The following DHTKD1 variants were observed in gnomAD, a reference collection of about 807,000 sequenced individuals.
DHTKD1 encodes the protein dehydrogenase E1 and transketolase domain containing 1, also known as 2-oxoadipate dehydrogenase complex component E1.
Under a neutral mutation model 101.8 loss-of-function variants are expected in DHTKD1, and 78 were observed. That is an observed-to-expected ratio of 0.77 (90% CI 0.64 to 0.93). The LOEUF (loss-of-function observed/expected upper bound fraction) is 0.93, where lower values mean the gene tolerates loss of function less well. Among genes scored for constraint, DHTKD1 ranks in the 40% least tolerant of loss-of-function variants. The probability of loss-of-function intolerance (pLI) is 0.00; values close to 1 mark genes in which losing one functional copy is unlikely to be tolerated. For missense variants in DHTKD1, 1,223 were observed against 1,161.7 expected (o/e 1.05, Z -0.77); for synonymous variants, 462 against 450.3 (o/e 1.03, Z -0.33).
At chr10:12,100,057 A>C in intron 8 of DHTKD1, 121 bp from the exon 9 acceptor site, 3 of 553,928 alleles carry the variant, frequency 5.4e-6, no homozygotes, top group Middle Eastern at 3.0e-4. Context: ...GGGCCTCCCA[A>C]AGTGCTGGGA....
rs369392688 is a variant in DHTKD1 at position 12,089,406 on chromosome 10, G to A, written c.987+151G>A. On this transcript the variant is annotated intron_variant, in intron 5 of 16. Transcript: ENST00000263035. Reference sequence around the variant, plus strand: ...TCTGGGATTGTTTTAAAAACTAACAGGAGATTCATGAGGTTTAGTCTTCAG... The same window carrying A: ...TCTGGGATTGTTTTAAAAACTAACAAGAGATTCATGAGGTTTAGTCTTCAG... 9.7e-5 allele frequency: 80 copies of A among 823,972 alleles called. 1 individual carries two copies. The East Asian group carries it at 9.9e-4, about 10-fold the overall frequency. 51.0% of individuals were successfully genotyped at this position (823,972 alleles called of 1,614,324 possible).
chr10:12,082,168 T>C (rs1832830039), intron 2 of DHTKD1, among the ~76,000 whole-genome samples: 1 of 152,120 alleles, frequency 6.6e-6, no homozygotes, highest in Non-Finnish European at 1.5e-5. Flanking sequence ...TAAAGTGCCA[T>C]ATGCTTAGCA....
At chr10:12,080,009 G>A (rs1380744262) in intron 1 of DHTKD1, among the ~76,000 whole-genome samples, 1 of 152,144 alleles carries the variant, frequency 6.6e-6, no homozygotes, top group Non-Finnish European at 1.5e-5. Flanking sequence ...GGCTGGGTGA[G>A]GTGGCTCACG....
Position 12,120,223 on chromosome 10 carries a change from T to C in DHTKD1, c.2614T>C (p.Trp872Arg), listed in dbSNP as rs1021701691. 2 of 1,614,048 alleles carry C rather than the reference T, an allele frequency of 1.2e-6. No individual in the cohort carries two copies. Among genetic ancestry groups the C allele is most frequent in the East Asian group, 2.2e-5 (1 of 44,868 alleles). ...SQEEPQNMGP[W>R]SFVSPRFEKQ... Reference sequence around the variant, plus strand: ...GGAGGAACCTCAGAACATGGGTCCGTGGTCGTTTGTTTCTCCAAGGTTTGA... The same window carrying C: ...GGAGGAACCTCAGAACATGGGTCCGCGGTCGTTTGTTTCTCCAAGGTTTGA... The change falls in exon 16 of 17, where the codon TGG becomes CGG. Residue 872 changes from tryptophan (W) to arginine (R), a missense_variant. Transcript: ENST00000263035.
rs1208222291 is a variant in DHTKD1, at chr10:12,110,862, A to G, written c.2155-2038A>G. Among the ~76,000 whole-genome samples the G allele has an allele frequency of 6.6e-6, 1 of 151,818 alleles. No homozygotes were observed. Among genetic ancestry groups the G allele is most frequent in the Non-Finnish European group, 1.5e-5 (1 of 67,972 alleles). Reference sequence around the variant, plus strand: ...AGACCAGCCTGGGCAACATGGTGAGACCCCATTTCTGCTAAAAATAAAACT... The same window carrying G: ...AGACCAGCCTGGGCAACATGGTGAGGCCCCATTTCTGCTAAAAATAAAACT... On this transcript the variant is annotated intron_variant, in intron 12 of 16. Coordinates refer to ENST00000263035, the MANE Select transcript of DHTKD1 (RefSeq NM_018706.7). This position sits in a 1 kb window ranked among gnomAD's most constrained non-coding sequence, Gnocchi z 4.9.
chr10:12,117,603 C>A, intron 13 of DHTKD1, 70 bp from the exon 14 acceptor site: 1 of 895,134 alleles, frequency 1.1e-6, no homozygotes, highest in Non-Finnish European at 1.9e-6. Flanking sequence ...TGTTTGATAG[C>A]GGCCCTTGTA....
chr10:12,085,170 G>A (rs999609635), intron 3 of DHTKD1, among the ~76,000 whole-genome samples: 5 of 151,948 alleles, frequency 3.3e-5, no homozygotes, highest in African/African-American at 7.3e-5. Context: ...ATTAGCCAGG[G>A]GTGATGGTGC....
chr10:12,118,773 C>T lies in DHTKD1; in HGVS notation c.2427C>T (p.Ser809=), dbSNP rs144376657. The T allele has an allele frequency of 6.1e-5, 97 of 1,591,186 alleles. 1 individual carries two copies. The highest frequency in any genetic ancestry group is 5.6e-4 in the Admixed American group (31 of 55,248). Residue 809 remains serine (S), a synonymous_variant, in exon 15 of 17, where the codon TCC becomes TCT. Coordinates refer to ENST00000263035, the MANE Select transcript of DHTKD1 (RefSeq NM_018706.7). ...GGGTTAAGACCCTCGTGTTCTGCTC[C>T]GGCAAACATTTCTACTCCCTGGTGA... The part of the protein sequence containing the change: ...PKKVKTLVFC[S]GKHFYSLVKQ...
In DHTKD1 at chr10:12,089,154, G is replaced by A. The variant is rs763791918; in HGVS notation, c.886G>A (p.Val296Met). Residue 296 changes from valine to methionine, a missense_variant, in exon 5 of 17, where the codon GTG (valine) becomes ATG (methionine). By Grantham distance (21) the Val-to-Met change is conservative. Coordinates refer to ENST00000263035, the MANE Select transcript of DHTKD1 (RefSeq NM_018706.7). ...CTCGCACCTGGAGGCCGTCAACCCCGTGGCCGTGGGCAAAACTCGCGGCAG... is the reference window on the plus strand; with the variant it reads ...CTCGCACCTGGAGGCCGTCAACCCCATGGCCGTGGGCAAAACTCGCGGCAG... ...NPSHLEAVNP[V>M]AVGKTRGRQQ... 1.1e-5 allele frequency: 17 copies of A among 1,614,128 alleles called. No homozygotes were observed. Among genetic ancestry groups the A allele is most frequent in the Non-Finnish European group, 1.2e-5 (14 of 1,180,022 alleles).
rs561458961 is a variant in DHTKD1, at chr10:12,083,141, G to C, written c.311-1399G>C. On this transcript the variant is annotated intron_variant, in intron 2 of 16. Coordinates refer to ENST00000263035, the MANE Select transcript of DHTKD1 (RefSeq NM_018706.7). ...CCACTGCACTCCAGCCTGGGCGACA[G>C]AGCGAGACTCCGTCTCAAAAAAAAA... is the stretch of plus-strand genomic sequence containing the variant. Among the ~76,000 whole-genome samples the C allele has an allele frequency of 2.3e-4, 35 of 149,984 alleles. 1 individual carries two copies. Among genetic ancestry groups the C allele is most frequent in the African/African-American group, 8.1e-4 (33 of 40,714 alleles).
At position 12,087,685 on chromosome 10, in the gene DHTKD1, G is replaced by A. The variant is rs765564889; in HGVS notation, c.673G>A (p.Gly225Arg). 1.2e-6 allele frequency: 2 copies of A among 1,611,250 alleles called. No individual in the cohort carries two copies. The highest frequency in any genetic ancestry group is 1.7e-6 in the Non-Finnish European group (2 of 1,178,924). ...TDVIIGMPHRGRLNLLTGLLQ... is the reference protein window; with the variant it reads ...TDVIIGMPHRRRLNLLTGLLQ... ...TGTCATTATTGGGATGCCCCATAGA[G>A]GGAGGCTGAATTTATTGACAGGCCT... Residue 225 changes from glycine to arginine, a missense_variant, in exon 4 of 17, where the codon GGG becomes AGG. Gly to Arg is a moderately radical substitution (Grantham distance 125, BLOSUM62 -2). Coordinates refer to ENST00000263035, the MANE Select transcript of DHTKD1 (RefSeq NM_018706.7). This position sits in a 1 kb window ranked among gnomAD's most constrained non-coding sequence, Gnocchi z 5.2.
chr10:12,074,213 T>A (rs1248809146), intron 1 of DHTKD1, among the ~76,000 whole-genome samples: 1 of 152,014 alleles, frequency 6.6e-6, no homozygotes, highest in Non-Finnish European at 1.5e-5. Context: ...TTTGAGACAC[T>A]CTGTGTCGCC....
At chr10:12,086,787 C>G (rs1832909288) in intron 3 of DHTKD1, among the ~76,000 whole-genome samples, 1 of 151,654 alleles carries the variant, frequency 6.6e-6, no homozygotes, top group African/African-American at 2.4e-5. Flanking sequence ...GCCTCCTGGA[C>G]TCAAGCAATT....
At chr10:12,099,196 A>C (rs1466113551) in intron 8 of DHTKD1, among the ~76,000 whole-genome samples, 1 of 151,920 alleles carries the variant, frequency 6.6e-6, no homozygotes, top group Non-Finnish European at 1.5e-5. Context: ...TAAAAAAAAA[A>C]AACCAACCCA....
chr10:12,091,459 T>G, intron 5 of DHTKD1, 54 bp from the exon 6 acceptor site: 2 of 1,034,336 alleles, frequency 1.9e-6, no homozygotes, highest in Non-Finnish European at 2.7e-6. Context: ...CCTAGATTTC[T>G]TAATCCCTTA....
At chr10:12,116,592 T>A (rs756281446) in intron 13 of DHTKD1, among the ~76,000 whole-genome samples, 3 of 151,942 alleles carry the variant, frequency 2.0e-5, no homozygotes, top group Non-Finnish European at 2.9e-5. Flanking sequence ...GGTTTCACCA[T>A]GTTGGCCAGG....
Position 12,107,813 on chromosome 10 carries a change from G to A in DHTKD1, c.2048-96G>A. ...TAATGAAAGCAGTTTTGGGGGGCCA[G>A]GCAGAAAACTAACATTGATTTCCCC... On this transcript the variant is annotated intron_variant, in intron 11 of 16. Transcript: ENST00000263035. This position sits in a 1 kb window ranked among gnomAD's most constrained non-coding sequence, Gnocchi z 4.1. 1.3e-6 allele frequency: 1 copy of A among 775,000 alleles called. No homozygotes were observed. Among genetic ancestry groups the A allele is most frequent in the South Asian group, 1.6e-5 (1 of 61,290 alleles). The allele number at this position is 775,000 out of a possible 1,614,324, so 48.0% of individuals were successfully genotyped here.
intron 15 of DHTKD1, among the ~76,000 whole-genome samples, chr10:12,119,616 A>G (rs1398880253): frequency 5.7e-5 from 2 of 35,122 alleles, no homozygotes; most frequent in East Asian, 1.4e-3. Context: ...ACTCCGTCTC[A>G]AAAAAAAAAA....
intron 3 of DHTKD1, among the ~76,000 whole-genome samples, chr10:12,086,023 C>T (rs542911116): frequency 1.3e-5 from 2 of 151,676 alleles, no homozygotes; most frequent in Non-Finnish European, 2.9e-5. Flanking sequence ...GCACGTGCCA[C>T]CACACCCAGC....
Sources: allele counts gnomAD v4.1 joint callset (sites outside exome capture counted in the v4.1 genomes callset), GRCh38; gene constraint gnomAD v4.1.1; non-coding constraint Gnocchi (gnomAD v3.1); transcripts MANE v1.5; gene names NCBI Gene and HGNC (gene_info 2026-07-23, HGNC 2026-07-21).